Variants in ADCY1 observed in about 807,000 individuals in gnomAD.
ADCY1 encodes adenylate cyclase type 1.
In ADCY1, 28 loss-of-function variants were observed where a neutral mutation model predicts 105.4. The observed-to-expected ratio is 0.27, with a 90% confidence interval of 0.20 to 0.36. ADCY1 has a LOEUF of 0.36. Among genes scored for constraint, ADCY1 ranks in the 10% least tolerant of loss-of-function variants. ADCY1 has a pLI of 1.00. For missense variants in ADCY1, 977 were observed against 1,434.2 expected (o/e 0.68, Z 5.15); for synonymous variants, 655 against 623.8 (o/e 1.05, Z -0.75).
chr7:45,657,748 G>A lies in ADCY1; in HGVS notation c.1170G>A (p.Glu390=). 6.2e-7 allele frequency: 1 copy of A among 1,613,936 alleles called. No homozygotes were observed. The highest frequency in any genetic ancestry group is 8.5e-7 in the Non-Finnish European group (1 of 1,179,946). ...DTITSVAEAT[E]VDLNMRVGLH... is the part of the protein sequence containing the mutation. ...GCAGATCTGTGGCTGAAGCCACCGA[G>A]GTGGATCTGAACATGCGTGTGGGTC... The change falls in exon 6 of 20, where the codon GAG becomes GAA. Residue 390 remains glutamate (E), a synonymous_variant. Transcript: ENST00000297323.
intron 1 of ADCY1, among the ~76,000 whole-genome samples, chr7:45,579,135 C>A (rs975156880): frequency 6.6e-6 from 1 of 152,108 alleles, no homozygotes; most frequent in African/African-American, 2.4e-5. Context: ...CCCCAGCACG[C>A]AGAATCATAG....
chr7:45,664,516 G>C (rs1266322136), intron 8 of ADCY1: 1 of 1,375,160 alleles, frequency 7.3e-7, no homozygotes, highest in Admixed American at 2.7e-5. Flanking sequence ...ATTGATTATG[G>C]AAAATATGGA....
chr7:45,640,943 G>A (rs1794512258), intron 4 of ADCY1, among the ~76,000 whole-genome samples: 4 of 152,006 alleles, frequency 2.6e-5, no homozygotes, highest in South Asian at 2.1e-4. Flanking sequence ...CCCTAAGAGG[G>A]GTCCCTGCTC....
At chr7:45,602,987 G>C (rs1032672801) in intron 2 of ADCY1, among the ~76,000 whole-genome samples, 1 of 152,064 alleles carries the variant, frequency 6.6e-6, no homozygotes, top group African/African-American at 2.4e-5. Context: ...GCAAGACATA[G>C]GCACCCACTA....
intron 3 of ADCY1, among the ~76,000 whole-genome samples, chr7:45,616,154 C>T (rs1793732268): frequency 1.3e-5 from 2 of 152,138 alleles, no homozygotes; most frequent in African/African-American, 4.8e-5. Flanking sequence ...AAAGTTTGAA[C>T]AGACCTATAT....
intron 2 of ADCY1, among the ~76,000 whole-genome samples, chr7:45,596,398 C>T (rs1793074229): frequency 6.6e-6 from 1 of 151,930 alleles, no homozygotes; most frequent in South Asian, 2.1e-4. Context: ...TCCAGGGAGA[C>T]ACACCTGGTC....
chr7:45,643,843 G>A (rs919336503), intron 4 of ADCY1, among the ~76,000 whole-genome samples: 19 of 152,156 alleles, frequency 1.2e-4, no homozygotes, highest in Admixed American at 1.2e-3. Context: ...CTGTGAAACT[G>A]TTCCTGGAGA....
Position 45,708,178 on chromosome 7 carries a change from C to T in ADCY1, c.2818-172C>T, listed in dbSNP as rs1232377752. ...GGAGCCCCTGGGGCTTGGCCAATAC[C>T]CTGCCTCTCTCTTAGTCTCCTACCT... On this transcript the variant is annotated intron_variant, in intron 17 of 19. Transcript: ENST00000297323. This position sits in a 1 kb window ranked among gnomAD's most constrained non-coding sequence, Gnocchi z 4.7. Among the ~76,000 whole-genome samples, 3 of 152,240 alleles carry T rather than the reference C, an allele frequency of 2.0e-5. No homozygotes were observed. Among genetic ancestry groups the T allele is most frequent in the African/African-American group, 7.2e-5 (3 of 41,464 alleles).
intron 14 of ADCY1, among the ~76,000 whole-genome samples, chr7:45,699,598 T>G (rs1295170765): frequency 4.0e-5 from 6 of 151,024 alleles, no homozygotes; most frequent in Non-Finnish European, 7.4e-5. Flanking sequence ...GTTGTGCACC[T>G]CTGCTGGGGG....
chr7:45,650,766 G>A (rs1390249966), intron 5 of ADCY1, among the ~76,000 whole-genome samples: 1 of 152,074 alleles, frequency 6.6e-6, no homozygotes, highest in Non-Finnish European at 1.5e-5. Context: ...TCCTTCTACT[G>A]TTTCTGCCCT....
Position 45,625,656 on chromosome 7 carries a change from G to GTA in ADCY1, c.1020+2921_1020+2922dup, listed in dbSNP as rs565213568. Among the ~76,000 whole-genome samples, 16 of 152,262 alleles carry GTA rather than the reference G, an allele frequency of 1.1e-4. No individual in the cohort carries two copies. In the South Asian group the frequency reaches 2.5e-3, roughly 24 times the overall value. On this transcript the variant is annotated intron_variant, in intron 4 of 19. Transcript: ENST00000297323. ...ATGTGTGTAGGTGAGCATGCATGTGGTATATATATGAGTATGTGCATGTGT... is the reference window on the plus strand; with the variant it reads ...ATGTGTGTAGGTGAGCATGCATGTGGTATATATATATGAGTATGTGCATGTGT...
intron 3 of ADCY1, among the ~76,000 whole-genome samples, chr7:45,610,859 T>TTA (rs1793549416): frequency 2.0e-4 from 1 of 4,958 alleles, no homozygotes; most frequent in Non-Finnish European, 4.0e-4. Flanking sequence ...ATTGGAGTTG[T>TTA]GGAGATGATG....
At chr7:45,590,646 C>T (rs1156676121) in intron 1 of ADCY1, among the ~76,000 whole-genome samples, 13 of 152,076 alleles carry the variant, frequency 8.5e-5, no homozygotes, top group Admixed American at 3.3e-4. Flanking sequence ...TCAAATGCAC[C>T]GAGAGGGAAG....
chr7:45,652,984 C>T (rs919679535), intron 5 of ADCY1, among the ~76,000 whole-genome samples: 8 of 152,214 alleles, frequency 5.3e-5, no homozygotes, highest in African/African-American at 1.9e-4. Context: ...TGACCTCCAC[C>T]TCTCTCTCAA....
At position 45,719,347 on chromosome 7, in the gene ADCY1, TTCTG is replaced by T. The variant is rs1288689683; in HGVS notation, c.*5354_*5357del. The T allele has an allele frequency of 6.6e-6, 1 of 152,238 alleles. No individual in the cohort carries two copies. Among genetic ancestry groups the T allele is most frequent in the Non-Finnish European group, 1.5e-5 (1 of 68,052 alleles). The allele number at this position is 152,238 out of a possible 1,614,324, so 9.4% of individuals were successfully genotyped here. A position where few individuals can be genotyped will look rare whatever the true frequency, so the allele number is the denominator to read the frequency against. On this transcript the variant is annotated 3_prime_UTR_variant, in exon 20 of 20. Coordinates refer to ENST00000297323, the MANE Select transcript of ADCY1 (RefSeq NM_021116.4). ...ATTCTAGGGGCTTCCTGCCTTATCCTTCTGTTTGTTCATACACTTAGTGAAAGCA... is the reference window on the plus strand; with the variant it reads ...ATTCTAGGGGCTTCCTGCCTTATCCTTTTGTTCATACACTTAGTGAAAGCA...
In ADCY1 at chr7:45,662,086, A is replaced by G. The variant is rs778753317; in HGVS notation, c.1477A>G (p.Ile493Val). 2 of 1,614,124 alleles carry G rather than the reference A, an allele frequency of 1.2e-6. No homozygotes were observed. The highest frequency in any genetic ancestry group is 1.1e-5 in the South Asian group (1 of 91,076). ...ATTTCCAGGCCTGATTCTCTCAGAT[A>G]TAAAACCGGCCAAAAGGATGAAGTT... is the stretch of plus-strand genomic sequence containing the variant. ...KIFPGLILSDIKPAKRMKFKT... is the reference protein window; with the variant it reads ...KIFPGLILSDVKPAKRMKFKT... The change falls in exon 8 of 20, where the codon ATA (isoleucine) becomes GTA (valine). Residue 493 changes from isoleucine (I) to valine (V), a missense_variant. Physicochemically the swap from Ile to Val is conservative, Grantham distance 29 (BLOSUM62 3). This residue lies in a region of ADCY1 where 66 missense variants were observed against 127.2 expected (regional missense o/e 0.52). Transcript: ENST00000297323.
At chr7:45,670,844 A>G (rs1036634471) in intron 8 of ADCY1, among the ~76,000 whole-genome samples, 3 of 151,110 alleles carry the variant, frequency 2.0e-5, no homozygotes, top group South Asian at 2.1e-4. Flanking sequence ...AAGGCTGGAC[A>G]TGTGTCCATC....
At chr7:45,608,300 G>C (rs913590561) in intron 2 of ADCY1, among the ~76,000 whole-genome samples, 4 of 152,152 alleles carry the variant, frequency 2.6e-5, no homozygotes, top group African/African-American at 9.7e-5. Context: ...AGGTTATTTG[G>C]TTTTTGCTAG....
Position 45,583,937 on chromosome 7 carries a change from G to GTTTTTTTT in ADCY1, c.639+8776_639+8783dup, listed in dbSNP as rs869216986. 3.0e-3 allele frequency among the ~76,000 whole-genome samples: 173 copies of GTTTTTTTT among 56,866 alleles called. 14 individuals carry two copies. The highest frequency in any genetic ancestry group is 0.011 in the East Asian group (15 of 1,378). 37.3% of individuals were successfully genotyped at this position (56,866 alleles called of 152,430 possible). ...TTACAGGCATGAGCCACTGTGCCCTGTTTTTTTTTTTTTTTTTTTTTTTTT... is the reference window on the plus strand; with the variant it reads ...TTACAGGCATGAGCCACTGTGCCCTGTTTTTTTTTTTTTTTTTTTTTTTTTTTTTTTTT... On this transcript the variant is annotated intron_variant, in intron 1 of 19. Coordinates refer to ENST00000297323, the MANE Select transcript of ADCY1 (RefSeq NM_021116.4).
Sources: gnomAD v4.1 joint callset for allele counts (sites outside exome capture counted in the v4.1 genomes callset) on GRCh38, gnomAD v4.1.1 for gene constraint, gnomAD v4.1.1 regional missense constraint, Gnocchi (gnomAD v3.1) non-coding constraint, MANE v1.5 for transcripts, NCBI Gene and HGNC (gene_info 2026-07-23, HGNC 2026-07-21) for gene names.